The following WASHC2A variants were observed in gnomAD, a reference collection of about 807,000 sequenced individuals.
WASHC2A encodes the protein WASH complex subunit FAM21A.
In WASHC2A, 82 loss-of-function variants were observed where a neutral mutation model predicts 140.3. The observed-to-expected ratio is 0.58, with a 90% CI of 0.49 to 0.70. WASHC2A has a LOEUF of 0.70. Among genes scored for constraint, WASHC2A ranks in the 30% least tolerant of loss-of-function variants. WASHC2A has a pLI of 0.00. For missense variants in WASHC2A, 985 were observed against 1,521.8 expected, an observed-to-expected ratio of 0.65 and a Z score of 5.87; for synonymous variants, 340 against 560.8, an observed-to-expected ratio of 0.61 and a Z score of 5.56.
intron 30 of WASHC2A, among the ~76,000 whole-genome samples, chr10:50,131,474 C>T (rs1219554908): frequency 4.9e-4 from 74 of 152,314 alleles, no homozygotes; most frequent in African/African-American, 1.7e-3. Context: ...TCCAGATAGA[C>T]AGGGAGTGTC....
Position 50,129,860 on chromosome 10 carries a change from G to A in WASHC2A, c.3529G>A (p.Glu1177Lys). Reference sequence around the variant, plus strand: ...GAGCCCCATGTTTCCTGCTCTAGGTGAGGCCAGCAGTGATGATGATCTCTT... The same window carrying A: ...GAGCCCCATGTTTCCTGCTCTAGGTAAGGCCAGCAGTGATGATGATCTCTT... ...AKSPMFPALGEASSDDDLFQS... is the reference protein window; with the variant it reads ...AKSPMFPALGKASSDDDLFQS... Residue 1177 changes from glutamate to lysine, a missense_variant, in exon 29 of 31, where the codon GAG becomes AAG. Physicochemically the swap from Glu to Lys is moderately conservative, Grantham distance 56. Coordinates refer to ENST00000282633, the MANE Select transcript of WASHC2A (RefSeq NM_001005751.3). The A allele has an allele frequency of 6.2e-7, 1 of 1,612,042 alleles. No individual in the cohort carries two copies. Among genetic ancestry groups the A allele is most frequent in the Non-Finnish European group, 8.5e-7 (1 of 1,179,866 alleles).
At chr10:50,097,610 A>C in intron 15 of WASHC2A, 65 bp from the exon 16 acceptor site, 1 of 1,300,506 alleles carries the variant, frequency 7.7e-7, no homozygotes, top group Non-Finnish European at 1.0e-6. Context: ...GAATTTTTTA[A>C]TCTGTGAATT....
At chr10:50,098,405 A>C (rs1840714186) in intron 16 of WASHC2A, among the ~76,000 whole-genome samples, 2 of 149,876 alleles carry the variant, frequency 1.3e-5, no homozygotes, top group Non-Finnish European at 1.5e-5. Context: ...GGAGAGTGCA[A>C]CCTGCAATCT....
At position 50,110,276 on chromosome 10, in the gene WASHC2A, A is replaced by G; in HGVS notation, c.2039+6A>G. 1 of 1,611,676 alleles carries G rather than the reference A, an allele frequency of 6.2e-7. No homozygotes were observed. Among genetic ancestry groups the G allele is most frequent in the Non-Finnish European group, 8.5e-7 (1 of 1,179,708 alleles). On this transcript the variant is annotated splice_donor_region_variant and intron_variant, in intron 20 of 30. Transcript: ENST00000282633. The stretch of plus-strand genomic sequence containing the variant: ...TTTGCCATTGCCAAGGACAGGTGAG[A>G]TAGTCATTGGAAGGAGTCCCTCACT...
At chr10:50,128,080 C>G (rs1843600714) in intron 28 of WASHC2A, among the ~76,000 whole-genome samples, 2 of 151,416 alleles carry the variant, frequency 1.3e-5, no homozygotes, top group Non-Finnish European at 2.9e-5. Flanking sequence ...AGCACTGCCA[C>G]CTGGGGGTCT....
chr10:50,088,521 G>C (rs1839593153), intron 8 of WASHC2A, among the ~76,000 whole-genome samples: 1 of 151,910 alleles, frequency 6.6e-6, no homozygotes, highest in African/African-American at 2.4e-5. Flanking sequence ...CGCCCTCCCA[G>C]AGTACTGGGA....
intron 13 of WASHC2A, among the ~76,000 whole-genome samples, chr10:50,094,370 G>A (rs1192728163): frequency 1.4e-5 from 2 of 144,478 alleles, no homozygotes; most frequent in South Asian, 2.3e-4. Flanking sequence ...CATGTTGGAC[G>A]GTTGGACAGG....
At chr10:50,097,878 A>T in intron 16 of WASHC2A, 76 bp downstream of exon 16, 1 of 1,606,062 alleles carries the variant, frequency 6.2e-7, no homozygotes, top group Non-Finnish European at 8.5e-7. Context: ...CCCAGAGGGA[A>T]GTGCTGTTCC....
At chr10:50,132,775 C>G in intron 30 of WASHC2A, 31 bp from the exon 31 acceptor site, 1 of 1,612,062 alleles carries the variant, frequency 6.2e-7, no homozygotes, top group Non-Finnish European at 8.5e-7. Flanking sequence ...CACCCCTCTT[C>G]AGCAACCGTT....
In WASHC2A at chr10:50,078,722, A is replaced by G; in HGVS notation, c.339A>G (p.Ala113=). Residue 113 remains alanine (A), a synonymous_variant, in exon 4 of 31, where the codon GCA becomes GCG. Transcript: ENST00000282633. The part of the protein sequence containing the change: ...EVEEPVLKAE[A]EKTEQEKTRE... ...AGGAGCCAGTACTCAAGGCTGAGGC[A>G]GAAAAAACAGAGCAGGTACTTGTAT... is the stretch of plus-strand genomic sequence containing the variant. 6.2e-7 allele frequency: 1 copy of G among 1,611,988 alleles called. No individual in the cohort carries two copies. Among genetic ancestry groups the G allele is most frequent in the Non-Finnish European group, 8.5e-7 (1 of 1,179,874 alleles).
rs1377044280 is a variant in WASHC2A, at chr10:50,133,245, C to A, written c.*300C>A. 1 of 570,910 alleles carries A rather than the reference C, an allele frequency of 1.8e-6. No individual in the cohort carries two copies. Among genetic ancestry groups the A allele is most frequent in the South Asian group, 1.9e-5 (1 of 53,984 alleles). The allele number at this position is 570,910 out of a possible 1,614,324, so 35.4% of individuals were successfully genotyped here. On this transcript the variant is annotated 3_prime_UTR_variant, in exon 31 of 31. Transcript: ENST00000282633. ...TGTAAAAGAAGAAATCTCTTTGTGG[C>A]TTTCATGGGCAGGGAATCCCAGAGA...
At chr10:50,118,080 A>G in intron 22 of WASHC2A, 22 bp downstream of exon 22, 2 of 1,606,382 alleles carry the variant, frequency 1.2e-6, no homozygotes, top group Non-Finnish European at 8.5e-7. Context: ...TCTCTTGTAT[A>G]CTTGAATGCA....
chr10:50,110,064 C>G, intron 19 of WASHC2A, 37 bp from the exon 20 acceptor site: 1 of 1,582,212 alleles, frequency 6.3e-7, no homozygotes. Context: ...GCCACTGCGC[C>G]TGGCCTGGAG....
Position 50,073,354 on chromosome 10 carries a change from C to T in WASHC2A, c.291+3643C>T, listed in dbSNP as rs537267322. Among the ~76,000 whole-genome samples the T allele has an allele frequency of 1.2e-3, 184 of 152,032 alleles. 1 individual carries two copies. The highest frequency in any genetic ancestry group is 4.3e-3 in the African/African-American group (180 of 41,486). On this transcript the variant is annotated intron_variant, in intron 3 of 30. Coordinates refer to ENST00000282633, the MANE Select transcript of WASHC2A (RefSeq NM_001005751.3). ...AGGTTAGAATTTTTTTTGTGAAAAGCCAGATCTTGGCAATGACCTTGAGCA... is the reference window on the plus strand; with the variant it reads ...AGGTTAGAATTTTTTTTGTGAAAAGTCAGATCTTGGCAATGACCTTGAGCA...
intron 23 of WASHC2A, among the ~76,000 whole-genome samples, chr10:50,124,405 T>G (rs1843249121): frequency 6.6e-6 from 1 of 151,852 alleles, no homozygotes; most frequent in Non-Finnish European, 1.5e-5. Context: ...CGCCTGGCCT[T>G]TTTGTTAAGT....
At chr10:50,105,085 C>G (rs1841620932) in intron 18 of WASHC2A, among the ~76,000 whole-genome samples, 1 of 152,076 alleles carries the variant, frequency 6.6e-6, no homozygotes, top group Non-Finnish European at 1.5e-5. Context: ...TCAGGGTCAG[C>G]TGTACTTTAG....
intron 20 of WASHC2A, among the ~76,000 whole-genome samples, chr10:50,110,560 G>T (rs1437827563): frequency 1.3e-5 from 2 of 151,310 alleles, no homozygotes; most frequent in African/African-American, 2.4e-5. Context: ...TTTTCTCTGG[G>T]CTACTCTAAA....
In WASHC2A at chr10:50,130,919, G is replaced by A; in HGVS notation, c.3727G>A (p.Glu1243Lys). The change falls in exon 30 of 31, where the codon GAA becomes AAA. Residue 1243 changes from glutamate to lysine, a missense_variant. By Grantham distance (56) the Glu-to-Lys change is moderately conservative. Transcript: ENST00000282633. ...DIFEDDIFAT[E>K]AIKPSQKTRE... ...TAACAAGGATGATATATTTGCTACG[G>A]AAGCAATTAAACCCTCTCAGAAAAC... 1 of 1,603,468 alleles carries A rather than the reference G, an allele frequency of 6.2e-7. No individual in the cohort carries two copies. Among genetic ancestry groups the A allele is most frequent in the Non-Finnish European group, 8.5e-7 (1 of 1,177,968 alleles).
intron 23 of WASHC2A, among the ~76,000 whole-genome samples, chr10:50,123,434 C>T: frequency 7.5e-6 from 1 of 133,616 alleles, no homozygotes; most frequent in Non-Finnish European, 1.6e-5. Context: ...CATGGATGAA[C>T]CTTGAAAACA....
Sources: gnomAD v4.1 joint callset for allele counts (sites outside exome capture counted in the v4.1 genomes callset) on GRCh38, gnomAD v4.1.1 for gene constraint, MANE v1.5 for transcripts, NCBI Gene and HGNC (gene_info 2026-07-23, HGNC 2026-07-21) for gene names.